The following FNTB variants were observed in gnomAD, a reference collection of about 807,000 sequenced individuals.
FNTB encodes protein farnesyltransferase subunit beta.
A neutral mutation model predicts 59.4 loss-of-function variants in FNTB; 27 were observed. The observed-to-expected ratio is 0.45, with a 90% CI of 0.34 to 0.63. The LOEUF (loss-of-function observed/expected upper bound fraction) is 0.63. Among genes scored for constraint, FNTB ranks in the 20% least tolerant of loss-of-function variants. FNTB has a pLI of 0.02. For missense variants in FNTB, 449 were observed against 559.6 expected (o/e 0.80, Z 1.99); for synonymous variants, 230 against 220.7 (o/e 1.04, Z -0.37).
chr14:65,028,755 T>C lies in FNTB; in HGVS notation c.605+974T>C, dbSNP rs1393957959. On this transcript the variant is annotated intron_variant, in intron 6 of 11. Coordinates refer to ENST00000246166, the MANE Select transcript of FNTB (RefSeq NM_002028.4). The surrounding 1 kb of genome is among the most constrained non-coding windows in gnomAD (Gnocchi z 4.4). ...GATCTGTGTATACCAGTGAAACCAG[T>C]AGAACGACTGAGGTAAATCAGTATG... Among the ~76,000 whole-genome samples the C allele has an allele frequency of 1.3e-5, 2 of 152,236 alleles. No individual in the cohort carries two copies. The highest frequency in any genetic ancestry group is 2.9e-5 in the Non-Finnish European group (2 of 68,042).
intron 7 of FNTB, among the ~76,000 whole-genome samples, chr14:65,035,375 G>A (rs73270817): frequency 0.011 from 1,623 of 152,208 alleles, 26 homozygotes; most frequent in East Asian, 0.086. Flanking sequence ...TCAGGAAGCT[G>A]TTTTTTTGTA....
Position 65,054,752 on chromosome 14 carries a change from C to CAAGTA in FNTB, c.1182+65_1182+69dup. On this transcript the variant is annotated intron_variant, in intron 11 of 11. Coordinates refer to ENST00000246166, the MANE Select transcript of FNTB (RefSeq NM_002028.4). The surrounding 1 kb of genome is among the most constrained non-coding windows in gnomAD (Gnocchi z 4.4). ...GGGACCTCGCGGACAGAAGGCTTTC[C>CAAGTA]AAGTAAGCAGAACTGGCTCTGCATT... The CAAGTA allele has an allele frequency of 6.6e-7, 1 of 1,517,544 alleles. No individual in the cohort carries two copies. The highest frequency in any genetic ancestry group is 9.0e-7 in the Non-Finnish European group (1 of 1,116,756). 94.0% of individuals were successfully genotyped at this position (1,517,544 alleles called of 1,614,324 possible). A position where few individuals can be genotyped will look rare whatever the true frequency, so the allele number is the denominator to read the frequency against.
intron 2 of FNTB, among the ~76,000 whole-genome samples, chr14:65,010,745 T>TTTG (rs2061669511): frequency 6.6e-6 from 1 of 152,148 alleles, no homozygotes; most frequent in South Asian, 2.1e-4. Flanking sequence ...ATCCTTGTTT[T>TTTG]TTTGTTTGTT....
intron 1 of FNTB, among the ~76,000 whole-genome samples, chr14:65,002,032 C>A (rs1490143463): frequency 1.3e-5 from 2 of 152,214 alleles, no homozygotes; most frequent in African/African-American, 4.8e-5. Context: ...CCCTCATCAT[C>A]ACAGATAATT....
rs1330601616 is a variant in FNTB at position 64,990,863 on chromosome 14, G to A, written c.144+3766G>A. On this transcript the variant is annotated intron_variant, in intron 1 of 11. Coordinates refer to ENST00000246166, the MANE Select transcript of FNTB (RefSeq NM_002028.4). This position sits in a 1 kb window ranked among gnomAD's most constrained non-coding sequence, Gnocchi z 5.2. ...GGCTTAGCTCACAGTGACGGTAGTG[G>A]AGGTAATGAGAAATGGTCAGCTCTG... 1.3e-5 allele frequency among the ~76,000 whole-genome samples: 2 copies of A among 152,206 alleles called. No homozygotes were observed. The highest frequency in any genetic ancestry group is 2.9e-5 in the Non-Finnish European group (2 of 68,038).
In FNTB at chr14:65,037,403, C is replaced by CTTTTTTTTTTTTTTTTTTTTTTTTTT. The variant is rs1555335876; in HGVS notation, c.693-3369_693-3344dup. ...TAGGCGTGAGCCACCACGCCGGGCC[C>CTTTTTTTTTTTTTTTTTTTTTTTTTT]TTTTTTTTTTTTTTTTTTTTTTTTT... On this transcript the variant is annotated intron_variant, in intron 7 of 11. Coordinates refer to ENST00000246166, the MANE Select transcript of FNTB (RefSeq NM_002028.4). Among the ~76,000 whole-genome samples the CTTTTTTTTTTTTTTTTTTTTTTTTTT allele has an allele frequency of 3.0e-4, 9 of 29,678 alleles. 2 individuals are homozygous for CTTTTTTTTTTTTTTTTTTTTTTTTTT. The highest frequency in any genetic ancestry group is 8.4e-4 in the Admixed American group (2 of 2,374). 19.5% of individuals were successfully genotyped at this position (29,678 alleles called of 152,430 possible).
intron 1 of FNTB, among the ~76,000 whole-genome samples, chr14:64,998,725 G>T (rs1888495334): frequency 6.6e-6 from 1 of 152,214 alleles, no homozygotes; most frequent in African/African-American, 2.4e-5. Context: ...TCCACTGGAG[G>T]ACTTGTTAAA....
At position 65,027,536 on chromosome 14, in the gene FNTB, C is replaced by T; in HGVS notation, c.458C>T (p.Thr153Ile). The change falls in exon 5 of 12, where the codon ACA becomes ATA. Residue 153 changes from threonine (T) to isoleucine (I), a missense_variant. By Grantham distance (89) the Thr-to-Ile change is moderately conservative. Around this residue, in one of 2 missense-constraint regions of FNTB, gnomAD observed 337 missense variants for 479.1 expected, o/e 0.70. Transcript: ENST00000246166. The surrounding 1 kb of genome is among the most constrained non-coding windows in gnomAD (Gnocchi z 5.7). ...GGTCAGTATCCACACCTTGCACCCA[C>T]ATATGCAGCAGTCAATGCATTGTGC... ...GPGQYPHLAP[T>I]YAAVNALCII... 6.2e-7 allele frequency: 1 copy of T among 1,614,222 alleles called. No individual in the cohort carries two copies.
At position 65,051,961 on chromosome 14, in the gene FNTB, A is replaced by AT. The variant is rs368574493; in HGVS notation, c.956-1270dup. ...AGGCGCCCACCACCATGTCCGGCTA[A>AT]TTTTTTTGTATTTTTAGTAGAGACA... is the stretch of plus-strand genomic sequence containing the variant. On this transcript the variant is annotated intron_variant, in intron 9 of 11. Coordinates refer to ENST00000246166, the MANE Select transcript of FNTB (RefSeq NM_002028.4). 2.3e-3 allele frequency among the ~76,000 whole-genome samples: 353 copies of AT among 151,698 alleles called. 3 individuals are homozygous for AT. Among genetic ancestry groups the AT allele is most frequent in the African/African-American group, 8.0e-3 (329 of 41,372 alleles).
rs1346263368 is a variant in FNTB, at chr14:65,054,390, G to T, written c.1068-185G>T. 6.6e-6 allele frequency among the ~76,000 whole-genome samples: 1 copy of T among 151,666 alleles called. No individual in the cohort carries two copies. On this transcript the variant is annotated intron_variant, in intron 10 of 11. Coordinates refer to ENST00000246166, the MANE Select transcript of FNTB (RefSeq NM_002028.4). The surrounding 1 kb of genome is among the most constrained non-coding windows in gnomAD (Gnocchi z 4.4). ...CCTCCTGCTTGCTGGGATTATGGGT[G>T]TGAGCCACTGTGCTCAGCCAGTGGG...
At chr14:65,048,672 G>C (rs1017302586) in intron 9 of FNTB, among the ~76,000 whole-genome samples, 2 of 152,172 alleles carry the variant, frequency 1.3e-5, no homozygotes, top group Non-Finnish European at 1.5e-5. Context: ...GGGCAATATA[G>C]TGAGAGCTTG....
intron 2 of FNTB, among the ~76,000 whole-genome samples, chr14:65,008,499 T>C (rs1595007338): frequency 6.6e-6 from 1 of 152,164 alleles, no homozygotes; most frequent in Non-Finnish European, 1.5e-5. Flanking sequence ...AACACAAATA[T>C]ACAGTTACCG....
Position 64,986,925 on chromosome 14 carries a change from C to A in FNTB, c.-29C>A. ...GCGTTGTTGCTTAACGAAGCAGAGTCCTACACACTGTCTGCTGCTCTCCTG... is the reference window on the plus strand; with the variant it reads ...GCGTTGTTGCTTAACGAAGCAGAGTACTACACACTGTCTGCTGCTCTCCTG... On this transcript the variant is annotated 5_prime_UTR_variant, in exon 1 of 12. Transcript: ENST00000246166. 1 of 1,613,476 alleles carries A rather than the reference C, an allele frequency of 6.2e-7. No homozygotes were observed. The highest frequency in any genetic ancestry group is 2.2e-5 in the East Asian group (1 of 44,868).
chr14:65,059,601 C>G (rs1316904813), intron 11 of FNTB, among the ~76,000 whole-genome samples: 1 of 151,354 alleles, frequency 6.6e-6, no homozygotes, highest in Non-Finnish European at 1.5e-5. Flanking sequence ...TCCTAGTATT[C>G]TCTCAAAATT....
At chr14:64,998,895 G>T (rs1235377609) in intron 1 of FNTB, among the ~76,000 whole-genome samples, 1 of 152,112 alleles carries the variant, frequency 6.6e-6, no homozygotes, top group Admixed American at 6.5e-5. Flanking sequence ...ATTCATAATA[G>T]CCAAAAAATG....
At position 64,992,254 on chromosome 14, in the gene FNTB, A is replaced by G. The variant is rs139723035; in HGVS notation, c.144+5157A>G. ...CAAAATTTCCCCATTAAAAAGTCCA[A>G]AAGGTTGTTTTTGGTCAAGTTGAAA... On this transcript the variant is annotated intron_variant, in intron 1 of 11. Transcript: ENST00000246166. Among the ~76,000 whole-genome samples, 551 of 152,300 alleles carry G rather than the reference A, an allele frequency of 3.6e-3. 6 individuals carry two copies. Among genetic ancestry groups the G allele is most frequent in the African/African-American group, 0.012 (513 of 41,558 alleles).
rs975385646 is a variant in FNTB, at chr14:64,991,736, G to A, written c.144+4639G>A. 6.6e-6 allele frequency among the ~76,000 whole-genome samples: 1 copy of A among 152,064 alleles called. No homozygotes were observed. Among genetic ancestry groups the A allele is most frequent in the Admixed American group, 6.5e-5 (1 of 15,276 alleles). On this transcript the variant is annotated intron_variant, in intron 1 of 11. Transcript: ENST00000246166. The surrounding 1 kb of genome is among the most constrained non-coding windows in gnomAD (Gnocchi z 4.4). ...GAGGTGGTCAGGATGACTTCATGGA[G>A]AACGTGGAACTGGGTGGGCTGTAAA...
At chr14:65,039,914 T>C (rs1344360084) in intron 7 of FNTB, among the ~76,000 whole-genome samples, 1 of 152,154 alleles carries the variant, frequency 6.6e-6, no homozygotes, top group South Asian at 2.1e-4. Context: ...AGAGGCCAAG[T>C]GCGGTGGCCC....
chr14:64,993,056 C>T (rs1299352568), intron 1 of FNTB, among the ~76,000 whole-genome samples: 1 of 152,050 alleles, frequency 6.6e-6, no homozygotes, highest in Non-Finnish European at 1.5e-5. Flanking sequence ...AGGCTGGTCC[C>T]GAACTCGAGC....
Sources: gnomAD v4.1 joint callset for allele counts (sites outside exome capture counted in the v4.1 genomes callset) on GRCh38, gnomAD v4.1.1 for gene constraint, gnomAD v4.1.1 regional missense constraint, Gnocchi (gnomAD v3.1) non-coding constraint, MANE v1.5 for transcripts, NCBI Gene and HGNC (gene_info 2026-07-23, HGNC 2026-07-21) for gene names.